The following COX15 variants were observed in gnomAD, a reference collection of about 807,000 sequenced individuals.
The protein encoded by COX15 is cytochrome c oxidase assembly factor COX15.
In COX15, 51 loss-of-function variants were observed where a neutral mutation model predicts 51.9. The observed-to-expected ratio is 0.98, with a 90% CI of 0.78 to 1.24. COX15 has a LOEUF of 1.24. Among genes scored for constraint, COX15 ranks in the 50% most tolerant of loss-of-function variants. The probability of loss-of-function intolerance (pLI) is 0.00; values close to 1 mark genes in which losing one functional copy is unlikely to be tolerated. For missense variants in COX15, 420 were observed against 501.1 expected, an observed-to-expected ratio of 0.84 and a Z score of 1.55; for synonymous variants, 188 against 190.5, an observed-to-expected ratio of 0.99 and a Z score of 0.11.
the COX15 span, among the ~76,000 whole-genome samples, chr10:99,695,647 T>C: frequency 1.3e-5 from 2 of 152,212 alleles, no homozygotes; most frequent in African/African-American, 2.4e-5. Context: ...ATTGAGGGAA[T>C]TGGAAAATAC....
chr10:99,727,517 C>G lies in COX15; in HGVS notation c.319G>C (p.Glu107Gln). 1 of 1,613,872 alleles carries G rather than the reference C, an allele frequency of 6.2e-7. No individual in the cohort carries two copies. The stretch of plus-strand genomic sequence containing the variant: ...TCTTGGCTTGTAGGTGGCTTCATCT[C>G]CTTTATTAAATGCCAATCTACCATC... ...LSMVDWHLIK[E>Q]MKPPTSQEEW... is the part of the protein sequence containing the mutation. The change falls in exon 3 of 9, where the codon GAG becomes CAG. Residue 107 changes from glutamate to glutamine, a missense_variant. By Grantham distance (29) the Glu-to-Gln change is conservative. Transcript: ENST00000016171.
At chr10:99,716,175 G>A (rs541048244) in intron 8 of COX15, among the ~76,000 whole-genome samples, 173 bp downstream of exon 8, 92 of 151,498 alleles carry the variant, frequency 6.1e-4, no homozygotes, top group Non-Finnish European at 1.1e-3. Flanking sequence ...TATTTTTTTT[G>A]TAGAGATGGG....
chr10:99,727,098 G>A lies in COX15; in HGVS notation c.452C>T (p.Ser151Leu). 6.2e-7 allele frequency: 1 copy of A among 1,614,194 alleles called. No individual in the cohort carries two copies. Among genetic ancestry groups the A allele is most frequent in the Non-Finnish European group, 8.5e-7 (1 of 1,180,034 alleles). Residue 151 changes from serine to leucine, a missense_variant, in exon 4 of 9, where the codon TCA becomes TTA. Ser to Leu is a moderately radical substitution (Grantham distance 145). Coordinates refer to ENST00000016171, the MANE Select transcript of COX15 (RefSeq NM_078470.6). ...EFKFIWYMEY[S>L]HRMWGRLVGL... The stretch of plus-strand genomic sequence containing the variant: ...TACAAGGCGACCCCACATTCGGTGT[G>A]AGTACTCCATGTACCAGATGAACTT...
At chr10:99,696,203 A>T in the COX15 span, 3 of 1,501,906 alleles carry the variant, frequency 2.0e-6, no homozygotes, top group Non-Finnish European at 2.7e-6. Flanking sequence ...CATCCTCCTA[A>T]GACAGATAAG....
chr10:99,722,959 A>C, intron 5 of COX15: 1 of 152,158 alleles, frequency 6.6e-6, no homozygotes, highest in East Asian at 1.9e-4. Context: ...TCAATATTTC[A>C]ACCCAATTTG....
intron 1 of COX15, among the ~76,000 whole-genome samples, chr10:99,730,862 A>T (rs1427778420): frequency 6.6e-6 from 1 of 152,160 alleles, no homozygotes; most frequent in Non-Finnish European, 1.5e-5. Context: ...GTAGTTCGAG[A>T]CCAGCCTGGG....
chr10:99,696,260 ATCTCTTAAAGACC>A, the COX15 span: 1 of 1,014,708 alleles, frequency 9.9e-7, no homozygotes, highest in Non-Finnish European at 1.4e-6. Flanking sequence ...ATGGGGTAGC[ATCTCTTAAAGACC>A]TCTATTAGCA....
Position 99,712,235 on chromosome 10 carries a change from C to G in COX15, c.*2352G>C, listed in dbSNP as rs1052554494. Reference sequence around the variant, plus strand: ...CATATCACCACCTGAGAATGGTACACTACAGGTCACAGAAACTTACAGAGT... The same window carrying G: ...CATATCACCACCTGAGAATGGTACAGTACAGGTCACAGAAACTTACAGAGT... On this transcript the variant is annotated 3_prime_UTR_variant, in exon 9 of 9. Transcript: ENST00000016171. The G allele has an allele frequency of 2.0e-6, 2 of 985,236 alleles. No homozygotes were observed. Among genetic ancestry groups the G allele is most frequent in the African/African-American group, 3.5e-5 (2 of 57,352 alleles). 61.0% of individuals were successfully genotyped at this position (985,236 alleles called of 1,614,324 possible). A position where few individuals can be genotyped will look rare whatever the true frequency, so the allele number is the denominator to read the frequency against.
At chr10:99,706,417 C>T (rs1362856296), downstream of COX15, among the ~76,000 whole-genome samples, 1 of 151,890 alleles carries the variant, frequency 6.6e-6, no homozygotes, top group Non-Finnish European at 1.5e-5. Context: ...CTCACCGCAG[C>T]CTCAACCTCC....
Position 99,713,611 on chromosome 10 carries a change from C to T in COX15, c.*976G>A. ...TTACAAAGCTGTTAGGAAACCCTCT[C>T]AGGAACCAATTTATACTGTCGATTC... On this transcript the variant is annotated 3_prime_UTR_variant, in exon 9 of 9. Transcript: ENST00000016171. The T allele has an allele frequency of 7.4e-7, 1 of 1,347,680 alleles. No individual in the cohort carries two copies. Among genetic ancestry groups the T allele is most frequent in the Non-Finnish European group, 1.0e-6 (1 of 980,694 alleles). The allele number at this position is 1,347,680 out of a possible 1,614,324, so 83.5% of individuals were successfully genotyped here.
chr10:99,727,175 A>C (rs774928354), intron 3 of COX15, 21 bp from the exon 4 acceptor site: 146 of 1,612,488 alleles, frequency 9.1e-5, no homozygotes, highest in Non-Finnish European at 1.2e-4. Context: ...TGGAAAGTCA[A>C]AAAAGGAGGA....
the COX15 span, among the ~76,000 whole-genome samples, chr10:99,703,478 A>T: frequency 2.0e-5 from 3 of 152,142 alleles, no homozygotes; most frequent in African/African-American, 7.2e-5. Flanking sequence ...AAAGTCAGAA[A>T]TCCATATTTT....
At chr10:99,727,409 G>A in intron 3 of COX15, 32 bp downstream of exon 3, 2 of 1,610,296 alleles carry the variant, frequency 1.2e-6, no homozygotes, top group Non-Finnish European at 1.7e-6. Context: ...TGGGCCTACT[G>A]GGATGTTTAC....
chr10:99,728,193 G>A (rs1208988025), intron 2 of COX15, among the ~76,000 whole-genome samples: 1 of 152,120 alleles, frequency 6.6e-6, no homozygotes, highest in Non-Finnish European at 1.5e-5. Context: ...ATACTAGAAA[G>A]TAAGGAAACT....
the COX15 span, among the ~76,000 whole-genome samples, chr10:99,695,118 T>C: frequency 2.0e-5 from 3 of 152,184 alleles, no homozygotes; most frequent in African/African-American, 4.8e-5. Context: ...GCCTCTGCCC[T>C]TGAGGTTCAA....
intron 7 of COX15, 132 bp from the exon 8 acceptor site, chr10:99,716,593 C>A (rs1444959718): frequency 3.0e-6 from 2 of 660,202 alleles, no homozygotes; most frequent in Non-Finnish European, 5.6e-6. Flanking sequence ...AACCTCCCTG[C>A]AGTCCCAGCC....
At chr10:99,696,665 G>A in the COX15 span, among the ~76,000 whole-genome samples, 2 of 152,316 alleles carry the variant, frequency 1.3e-5, no homozygotes, top group South Asian at 4.1e-4. Context: ...AGTACCAGAT[G>A]AAGTAGTTAG....
the COX15 span, among the ~76,000 whole-genome samples, chr10:99,703,927 T>G: frequency 6.6e-6 from 1 of 152,280 alleles, no homozygotes; most frequent in East Asian, 1.9e-4. Context: ...GGTCTTGTTA[T>G]GTTGACCAGG....
chr10:99,696,845 T>G, the COX15 span, among the ~76,000 whole-genome samples: 1 of 152,178 alleles, frequency 6.6e-6, no homozygotes, highest in South Asian at 2.1e-4. Flanking sequence ...GTTTAAGTAA[T>G]TGGGTGATTG....
Sources: gnomAD v4.1 joint callset for allele counts (sites outside exome capture counted in the v4.1 genomes callset) on GRCh38, gnomAD v4.1.1 for gene constraint, MANE v1.5 for transcripts, NCBI Gene and HGNC (gene_info 2026-07-23, HGNC 2026-07-21) for gene names.